Variants in PLXNA2 observed in about 807,000 individuals in gnomAD.
The protein encoded by PLXNA2 is plexin A2.
Under a neutral mutation model 193.5 loss-of-function variants are expected in PLXNA2, and 91 were observed. The observed-to-expected ratio is 0.47, with a 90% confidence interval of 0.40 to 0.56. PLXNA2 has a LOEUF of 0.56. Among genes scored for constraint, PLXNA2 ranks in the 20% least tolerant of loss-of-function variants. PLXNA2 has a pLI of 0.00. For synonymous variants in PLXNA2, 997 were observed against 1,027.3 expected (o/e 0.97, Z 0.56); for missense variants, 1,995 against 2,503.2 (o/e 0.80, Z 4.33).
intron 3 of PLXNA2, among the ~76,000 whole-genome samples, chr1:208,143,377 G>A (rs1668511369): frequency 6.6e-6 from 1 of 152,226 alleles, no homozygotes; most frequent in Non-Finnish European, 1.5e-5. Context: ...CAGTGGGCAT[G>A]AGGGCTGAGA....
intron 4 of PLXNA2, 142 bp from the exon 5 acceptor site, chr1:208,103,389 T>C: frequency 1.6e-6 from 1 of 621,224 alleles, no homozygotes; most frequent in Non-Finnish European, 2.8e-6. Flanking sequence ...ATGGCCTCAA[T>C]GTCCCCAATC....
chr1:208,240,233 A>T (rs1180828165), intron 1 of PLXNA2, among the ~76,000 whole-genome samples: 3 of 152,200 alleles, frequency 2.0e-5, no homozygotes, highest in African/African-American at 7.2e-5. Context: ...GGAGCTAGAT[A>T]AAGAGGTTCC....
At chr1:208,192,460 A>G (rs1670212778) in intron 3 of PLXNA2, among the ~76,000 whole-genome samples, 1 of 150,266 alleles carries the variant, frequency 6.7e-6, no homozygotes, top group Non-Finnish European at 1.5e-5. Context: ...TTTTTAAACA[A>G]CAAAAAAACC....
chr1:208,141,272 C>G (rs1668449782), intron 4 of PLXNA2, among the ~76,000 whole-genome samples: 1 of 152,178 alleles, frequency 6.6e-6, no homozygotes, highest in Admixed American at 6.5e-5. Flanking sequence ...ATCCCTCATC[C>G]CCTGATTCAG....
chr1:208,234,938 T>A (rs553923652), intron 1 of PLXNA2, among the ~76,000 whole-genome samples: 47 of 152,222 alleles, frequency 3.1e-4, no homozygotes, highest in African/African-American at 1.1e-3. Flanking sequence ...ACATCCACTA[T>A]GTGGGCCTGG....
intron 3 of PLXNA2, among the ~76,000 whole-genome samples, chr1:208,167,269 C>G (rs1210051655): frequency 6.6e-6 from 1 of 152,056 alleles, no homozygotes; most frequent in African/African-American, 2.4e-5. Flanking sequence ...AAAAGAACAC[C>G]AGGAAAATCT....
chr1:208,103,559 A>G (rs1433357554), intron 4 of PLXNA2, among the ~76,000 whole-genome samples: 1 of 152,214 alleles, frequency 6.6e-6, no homozygotes. Context: ...CAAGTACTGA[A>G]AATGGTTAAC....
At chr1:208,234,147 G>A (rs1671778239) in intron 1 of PLXNA2, among the ~76,000 whole-genome samples, 1 of 152,040 alleles carries the variant, frequency 6.6e-6, no homozygotes, top group South Asian at 2.1e-4. Flanking sequence ...AGTGAGGCTG[G>A]GGCAAACAAA....
intron 3 of PLXNA2, among the ~76,000 whole-genome samples, chr1:208,165,958 C>T (rs1669290118): frequency 6.6e-6 from 1 of 152,214 alleles, no homozygotes; most frequent in Non-Finnish European, 1.5e-5. Flanking sequence ...CTTCCTGCTA[C>T]AGCTGAGGGC....
intron 3 of PLXNA2, 72 bp from the exon 4 acceptor site, chr1:208,142,535 G>A (rs1668488164): frequency 2.8e-6 from 4 of 1,414,446 alleles, no homozygotes; most frequent in Non-Finnish European, 2.8e-6. Context: ...CCTCTGCCCA[G>A]AGCAGGTAGC....
intron 3 of PLXNA2, among the ~76,000 whole-genome samples, chr1:208,205,408 T>G (rs1280834407): frequency 6.6e-6 from 1 of 152,216 alleles, no homozygotes; most frequent in Non-Finnish European, 1.5e-5. Flanking sequence ...TAGGCCTGCC[T>G]GTCCTCATCA....
intron 4 of PLXNA2, among the ~76,000 whole-genome samples, chr1:208,136,529 G>C (rs1419690002): frequency 6.6e-6 from 1 of 152,198 alleles, no homozygotes; most frequent in Non-Finnish European, 1.5e-5. Context: ...AGGCTCACAG[G>C]TTCCTCCTCC....
chr1:208,243,447 C>T (rs1481442266), intron 1 of PLXNA2, among the ~76,000 whole-genome samples, 196 bp downstream of exon 1: 1 of 151,956 alleles, frequency 6.6e-6, no homozygotes, highest in Non-Finnish European at 1.5e-5. Context: ...AGCCTGCGAT[C>T]GCGCGCACGC....
At chr1:208,145,192 G>A (rs1056496486) in intron 3 of PLXNA2, among the ~76,000 whole-genome samples, 4 of 152,136 alleles carry the variant, frequency 2.6e-5, no homozygotes, top group Admixed American at 2.6e-4. Flanking sequence ...CATAAAATGG[G>A]GATTTCAGGC....
At chr1:208,197,901 G>T (rs1021130497) in intron 3 of PLXNA2, among the ~76,000 whole-genome samples, 1 of 152,084 alleles carries the variant, frequency 6.6e-6, no homozygotes, top group Non-Finnish European at 1.5e-5. Context: ...TTGCTTGCTG[G>T]TATTTCAGTA....
chr1:208,201,337 G>T (rs1020190678), intron 3 of PLXNA2, among the ~76,000 whole-genome samples: 1 of 152,218 alleles, frequency 6.6e-6, no homozygotes, highest in African/African-American at 2.4e-5. Context: ...ACTTCCTTCA[G>T]CCCCACCCTG....
intron 12 of PLXNA2, among the ~76,000 whole-genome samples, chr1:208,076,455 C>T (rs2405519): frequency 0.04 from 6,033 of 152,180 alleles, 199 homozygotes; most frequent in Non-Finnish European, 0.056. Flanking sequence ...GTGAAATCCA[C>T]GGCTATCAAT....
At chr1:208,086,425 G>A (rs1412308375) in intron 9 of PLXNA2, among the ~76,000 whole-genome samples, 1 of 152,118 alleles carries the variant, frequency 6.6e-6, no homozygotes, top group Non-Finnish European at 1.5e-5. Context: ...GTTGGAAATA[G>A]TCATGGGTTT....
At chr1:208,212,362 T>C (rs1466546773) in intron 2 of PLXNA2, among the ~76,000 whole-genome samples, 3 of 152,218 alleles carry the variant, frequency 2.0e-5, no homozygotes, top group Non-Finnish European at 2.9e-5. Flanking sequence ...CAGTGTTTTG[T>C]AGAGAGCTGC....
Sources: gnomAD v4.1 joint callset for allele counts (sites outside exome capture counted in the v4.1 genomes callset) on GRCh38, gnomAD v4.1.1 for gene constraint, MANE v1.5 for transcripts, NCBI Gene and HGNC (gene_info 2026-07-23, HGNC 2026-07-21) for gene names.